Variants in MARCHF1 observed in about 807,000 individuals in gnomAD.
MARCHF1 encodes membrane associated ring-CH-type finger 1.
In MARCHF1, 40 loss-of-function variants were observed where a neutral mutation model predicts 54.2. The observed-to-expected ratio is 0.74, with a 90% confidence interval of 0.57 to 0.96. MARCHF1 has a LOEUF of 0.96. Among genes scored for constraint, MARCHF1 ranks in the 40% least tolerant of loss-of-function variants. MARCHF1 has a pLI of 0.00. For missense variants in MARCHF1, 586 were observed against 656.5 expected, an observed-to-expected ratio of 0.89 and a Z score of 1.17; for synonymous variants, 236 against 236.3, an observed-to-expected ratio of 1.00 and a Z score of 0.01.
intron 5 of MARCHF1, among the ~76,000 whole-genome samples, chr4:163,670,360 A>T (rs892240663): frequency 1.8e-4 from 19 of 103,526 alleles, no homozygotes; most frequent in African/African-American, 5.8e-4. Flanking sequence ...CTAGAGTAGG[A>T]TCTATCTATC....
At chr4:163,857,030 A>ATAAT (rs1266272481) in intron 3 of MARCHF1, among the ~76,000 whole-genome samples, 19 of 149,240 alleles carry the variant, frequency 1.3e-4, no homozygotes, top group African/African-American at 4.6e-4. Context: ...AAATAAATAA[A>ATAAT]TAAATAAATA....
rs766469037 is a variant in MARCHF1 at position 164,197,567 on chromosome 4, T to G, written c.-322-85905A>C. 60 of 1,613,294 alleles carry G rather than the reference T, an allele frequency of 3.7e-5. No individual in the cohort carries two copies. The East Asian group carries it at 1.1e-3, about 31-fold the overall frequency. On this transcript the variant is annotated intron_variant, in intron 1 of 9. Coordinates refer to ENST00000514618, the MANE Select transcript of MARCHF1 (RefSeq NM_001394959.1). ...ATTGAGGTGAGGCCTCCGTTGATTT[T>G]ACTTAAGAATTCCAGTTCTTCAAAT...
chr4:163,741,616 A>G lies in MARCHF1; in HGVS notation c.112-40753T>C, dbSNP rs548799329. Among the ~76,000 whole-genome samples, 265 of 152,120 alleles carry G rather than the reference A, an allele frequency of 1.7e-3. 1 individual carries two copies. The highest frequency in any genetic ancestry group is 6.1e-3 in the African/African-American group (255 of 41,516). On this transcript the variant is annotated intron_variant, in intron 4 of 9. Transcript: ENST00000514618. ...AAAAAAAATTTGGAAACCTAATATC[A>G]GCGTGTTTAAGCAACTGCGTGTTTG...
At chr4:163,630,808 A>G (rs1260507721) in intron 5 of MARCHF1, among the ~76,000 whole-genome samples, 1 of 152,132 alleles carries the variant, frequency 6.6e-6, no homozygotes, top group Non-Finnish European at 1.5e-5. Flanking sequence ...GAAGAGAAAG[A>G]TGAATACAAA....
At chr4:163,888,516 T>C (rs1193072087) in intron 3 of MARCHF1, among the ~76,000 whole-genome samples, 1 of 152,186 alleles carries the variant, frequency 6.6e-6, no homozygotes, top group African/African-American at 2.4e-5. Flanking sequence ...ATCTTTTTAT[T>C]CCTTCTGCAC....
At chr4:164,101,187 G>A (rs1755548038) in intron 2 of MARCHF1, among the ~76,000 whole-genome samples, 2 of 152,230 alleles carry the variant, frequency 1.3e-5, no homozygotes, top group Admixed American at 1.3e-4. Flanking sequence ...GGCCGGGGGA[G>A]GGGCACCCGC....
intron 1 of MARCHF1, among the ~76,000 whole-genome samples, chr4:164,344,458 TTGTGTGTGTG>T (rs144379635): frequency 1.1e-3 from 169 of 148,082 alleles, no homozygotes; most frequent in African/African-American, 4.0e-3. Flanking sequence ...ATGCACGTGT[TTGTGTGTGTG>T]TGTGTGTGTG....
intron 2 of MARCHF1, among the ~76,000 whole-genome samples, chr4:164,101,083 T>G (rs1449353229): frequency 6.6e-6 from 1 of 152,212 alleles, no homozygotes; most frequent in Non-Finnish European, 1.5e-5. Context: ...ACCACAAGAT[T>G]ATATCCCGCA....
At chr4:164,010,845 T>C (rs1243699275) in intron 2 of MARCHF1, among the ~76,000 whole-genome samples, 2 of 152,106 alleles carry the variant, frequency 1.3e-5, no homozygotes, top group Non-Finnish European at 2.9e-5. Flanking sequence ...GGAAACATCA[T>C]AGTATCTGCC....
In MARCHF1 at chr4:163,525,436, T is replaced by C. The variant is rs922675299; in HGVS notation, c.*3312A>G. 1 of 152,166 alleles carries C rather than the reference T, an allele frequency of 6.6e-6. No homozygotes were observed. The highest frequency in any genetic ancestry group is 2.4e-5 in the African/African-American group (1 of 41,466). 9.4% of individuals were successfully genotyped at this position (152,166 alleles called of 1,614,324 possible). On this transcript the variant is annotated 3_prime_UTR_variant, in exon 10 of 10. Transcript: ENST00000514618. Reference sequence around the variant, plus strand: ...CACCTATCTTCCTTCAGGTTACACATTGCTGTATCTCAGGTTGTTGGGCTC... The same window carrying C: ...CACCTATCTTCCTTCAGGTTACACACTGCTGTATCTCAGGTTGTTGGGCTC...
intron 1 of MARCHF1, among the ~76,000 whole-genome samples, chr4:164,148,739 TTAC>T (rs901698331): frequency 2.0e-5 from 3 of 152,178 alleles, no homozygotes; most frequent in African/African-American, 7.2e-5. Context: ...ATTATAAATA[TTAC>T]TTTTTTAAAA....
intron 1 of MARCHF1, among the ~76,000 whole-genome samples, chr4:164,114,687 A>G (rs1360064945): frequency 6.6e-6 from 1 of 151,764 alleles, no homozygotes; most frequent in Non-Finnish European, 1.5e-5. Flanking sequence ...CTATTGAAAC[A>G]GCTTATTTTA....
intron 1 of MARCHF1, among the ~76,000 whole-genome samples, chr4:164,242,599 T>G (rs1732806066): frequency 6.6e-6 from 1 of 152,192 alleles, no homozygotes; most frequent in Admixed American, 6.5e-5. Flanking sequence ...ATGCAGTTCC[T>G]CACCAGCAAT....
chr4:164,197,015 G>A (rs371014246), intron 1 of MARCHF1: 9 of 1,604,488 alleles, frequency 5.6e-6, no homozygotes, highest in African/African-American at 2.7e-5. Context: ...TCTCATTTTC[G>A]CTTCTGACCC....
chr4:163,857,253 A>G (rs1749794185), intron 3 of MARCHF1, among the ~76,000 whole-genome samples: 1 of 151,988 alleles, frequency 6.6e-6, no homozygotes, highest in Admixed American at 6.6e-5. Flanking sequence ...TCTTTTTTGC[A>G]TTATCGATGC....
intron 2 of MARCHF1, among the ~76,000 whole-genome samples, chr4:164,100,405 G>T (rs745338301): frequency 6.6e-6 from 1 of 152,148 alleles, no homozygotes; most frequent in Non-Finnish European, 1.5e-5. Flanking sequence ...TAGCCTTTTA[G>T]CATTCATTTA....
chr4:164,222,168 T>C (rs1732132130), intron 1 of MARCHF1, among the ~76,000 whole-genome samples: 1 of 151,958 alleles, frequency 6.6e-6, no homozygotes, highest in Non-Finnish European at 1.5e-5. Context: ...AGCATAAACT[T>C]AAACTGTTTT....
intron 5 of MARCHF1, among the ~76,000 whole-genome samples, chr4:163,654,149 G>A (rs1743062030): frequency 6.6e-6 from 1 of 151,632 alleles, no homozygotes. Flanking sequence ...TAAATATATG[G>A]TGACATAAAC....
intron 5 of MARCHF1, among the ~76,000 whole-genome samples, chr4:163,699,619 CAAAG>C (rs34120704): frequency 0.015 from 2,241 of 152,100 alleles, 56 homozygotes; most frequent in African/African-American, 0.05. Context: ...GGATCCTCTT[CAAAG>C]AAAGTAATAT....
Sources: allele counts gnomAD v4.1 joint callset (sites outside exome capture counted in the v4.1 genomes callset), GRCh38; gene constraint gnomAD v4.1.1; transcripts MANE v1.5; gene names NCBI Gene and HGNC (gene_info 2026-07-23, HGNC 2026-07-21).